FTCDNL1: variants seen among roughly 807,000 people sequenced by gnomAD.
FTCDNL1 encodes the protein formiminotransferase N-terminal subdomain-containing protein.
A neutral mutation model predicts 5.9 loss-of-function variants in FTCDNL1; 11 were observed. The observed-to-expected ratio is 1.87, with a 90% CI of 1.18 to 3.10. FTCDNL1 has a LOEUF of 3.10. Among genes scored for constraint, FTCDNL1 ranks in the 30% most tolerant of loss-of-function variants. The pLI, the probability that FTCDNL1 is intolerant of heterozygous loss-of-function variation, is 0.00. For missense variants in FTCDNL1, 115 were observed against 65.5 expected (o/e 1.76, Z -2.61); for synonymous variants, 58 against 24.8 (o/e 2.34, Z -3.99).
chr2:199,808,340 T>C (rs1427320191), downstream of FTCDNL1, among the ~76,000 whole-genome samples: 3 of 152,242 alleles, frequency 2.0e-5, no homozygotes, highest in Non-Finnish European at 4.4e-5. Flanking sequence ...GATTTTTGTA[T>C]TTTTTTCTTA....
chr2:199,722,858 C>G, the FTCDNL1 span, among the ~76,000 whole-genome samples: 2 of 152,066 alleles, frequency 1.3e-5, no homozygotes, highest in African/African-American at 4.8e-5. Context: ...TAGTTGTATT[C>G]CTGGGTATTT....
the FTCDNL1 span, among the ~76,000 whole-genome samples, chr2:199,745,534 C>T: frequency 1.3e-5 from 2 of 152,174 alleles, no homozygotes; most frequent in Non-Finnish European, 2.9e-5. Context: ...TGTCTTTTCC[C>T]ATAGCACTCG....
At chr2:199,832,634 G>A (rs368449704) in intron 3 of FTCDNL1, among the ~76,000 whole-genome samples, 1 of 152,066 alleles carries the variant, frequency 6.6e-6, no homozygotes, top group East Asian at 1.9e-4. Flanking sequence ...TTTCTCAGAA[G>A]GTACCTTATT....
At chr2:199,808,603 C>T (rs998648936), downstream of FTCDNL1, among the ~76,000 whole-genome samples, 1 of 152,180 alleles carries the variant, frequency 6.6e-6, no homozygotes, top group African/African-American at 2.4e-5. Context: ...GCCTGTAATG[C>T]TGTGACAGGA....
At chr2:199,753,833 G>A in the FTCDNL1 span, among the ~76,000 whole-genome samples, 1 of 152,244 alleles carries the variant, frequency 6.6e-6, no homozygotes, top group Non-Finnish European at 1.5e-5. Flanking sequence ...AATAGCTGGT[G>A]AGAAGCTCCT....
At chr2:199,846,924 A>C (rs1413211623) in intron 2 of FTCDNL1, among the ~76,000 whole-genome samples, 1 of 152,228 alleles carries the variant, frequency 6.6e-6, no homozygotes, top group African/African-American at 2.4e-5. Context: ...TTCAGGCGGT[A>C]ATTAAACCTT....
At chr2:199,819,892 G>T in intron 3 of FTCDNL1, 135 bp from the exon 4 acceptor site, 2 of 602,342 alleles carry the variant, frequency 3.3e-6, no homozygotes, top group Non-Finnish European at 5.9e-6. Flanking sequence ...TAAGTGTCCA[G>T]ATCAGTGGCA....
At chr2:199,770,648 T>C (rs1406040721) in intron 3 of FTCDNL1, among the ~76,000 whole-genome samples, 1 of 152,196 alleles carries the variant, frequency 6.6e-6, no homozygotes, top group African/African-American at 2.4e-5. Context: ...TTTTAAAAAT[T>C]AACCACCCAG....
chr2:199,798,459 C>T (rs959786357), intron 3 of FTCDNL1, among the ~76,000 whole-genome samples: 1 of 150,806 alleles, frequency 6.6e-6, no homozygotes, highest in African/African-American at 2.5e-5. Flanking sequence ...TGGGAAAGTG[C>T]TACAGGTTCT....
chr2:199,721,797 G>T, the FTCDNL1 span, among the ~76,000 whole-genome samples: 1 of 152,096 alleles, frequency 6.6e-6, no homozygotes, highest in Non-Finnish European at 1.5e-5. Context: ...GTTGTTTCTT[G>T]ACTATTTAAT....
the FTCDNL1 span, among the ~76,000 whole-genome samples, chr2:199,674,015 T>C: frequency 6.6e-6 from 1 of 152,100 alleles, no homozygotes; most frequent in African/African-American, 2.4e-5. Flanking sequence ...ATTTTCAAGA[T>C]AGTGCTAATA....
At chr2:199,696,214 C>G in the FTCDNL1 span, among the ~76,000 whole-genome samples, 1 of 152,238 alleles carries the variant, frequency 6.6e-6, no homozygotes, top group Non-Finnish European at 1.5e-5. Flanking sequence ...CCCCACCACC[C>G]TGCCACTGTT....
chr2:199,815,688 A>G (rs1405698692), intron 4 of FTCDNL1, among the ~76,000 whole-genome samples: 1 of 152,210 alleles, frequency 6.6e-6, no homozygotes, highest in East Asian at 1.9e-4. Context: ...CTACTTCAGT[A>G]GATATTGCTT....
intron 3 of FTCDNL1, among the ~76,000 whole-genome samples, chr2:199,798,628 G>A (rs186948372): frequency 3.3e-5 from 5 of 152,194 alleles, no homozygotes; most frequent in East Asian, 3.9e-4. Context: ...ATTCCACCAC[G>A]TGAGCGGCAC....
chr2:199,763,395 C>T (rs4673480), intron 3 of FTCDNL1, among the ~76,000 whole-genome samples: 18,889 of 152,166 alleles, frequency 0.12, 1,563 homozygotes, highest in East Asian at 0.18. Context: ...TATAGTATTA[C>T]AAGGGTGGGA....
chr2:199,703,878 A>G, the FTCDNL1 span, among the ~76,000 whole-genome samples: 26 of 152,192 alleles, frequency 1.7e-4, no homozygotes, highest in Non-Finnish European at 4.4e-5. Flanking sequence ...TATAAAAATG[A>G]GCTAAAATGA....
chr2:199,784,666 A>C (rs949259900), intron 3 of FTCDNL1, among the ~76,000 whole-genome samples: 4 of 152,186 alleles, frequency 2.6e-5, no homozygotes, highest in South Asian at 4.1e-4. Flanking sequence ...TCTCCCTCAG[A>C]CTTGCCCCAA....
chr2:199,775,648 G>A (rs1210713162), intron 3 of FTCDNL1, among the ~76,000 whole-genome samples: 2 of 152,142 alleles, frequency 1.3e-5, no homozygotes, highest in African/African-American at 4.8e-5. Context: ...TGGCAGCACT[G>A]GGTAATATCC....
chr2:199,745,104 G>C, the FTCDNL1 span, among the ~76,000 whole-genome samples: 2 of 152,188 alleles, frequency 1.3e-5, no homozygotes, highest in African/African-American at 4.8e-5. Flanking sequence ...CTATGGCTTT[G>C]CCTGAGGAAG....
Sources: gnomAD v4.1 joint callset for allele counts (sites outside exome capture counted in the v4.1 genomes callset) on GRCh38, gnomAD v4.1.1 for gene constraint, MANE v1.5 for transcripts, NCBI Gene and HGNC (gene_info 2026-07-23, HGNC 2026-07-21) for gene names.